The following LMO7 variants were observed in gnomAD, a reference collection of about 807,000 sequenced individuals.
LMO7 encodes LIM domain only protein 7.
LMO7 carries 120 observed loss-of-function variants against 206.5 expected under a neutral mutation model. That is an observed-to-expected ratio of 0.58 (90% CI 0.50 to 0.68). The LOEUF is 0.68. Ranked by LOEUF, LMO7 falls within the 30% of genes least tolerant of loss-of-function variation. The pLI, the probability that LMO7 is intolerant of heterozygous loss-of-function variation, is 0.00. For missense variants in LMO7, 1,959 were observed against 1,957.9 expected (o/e 1.00, Z -0.01); for synonymous variants, 706 against 681.5 (o/e 1.04, Z -0.56).
intron 27 of LMO7, among the ~76,000 whole-genome samples, chr13:75,850,477 AAG>A (rs1247456797): frequency 2.6e-5 from 4 of 152,222 alleles, no homozygotes; most frequent in Non-Finnish European, 5.9e-5. Flanking sequence ...GGCAAAAGAA[AAG>A]AAAATCACAA....
chr13:75,807,432 C>G, intron 9 of LMO7, 48 bp from the exon 10 acceptor site: 3 of 1,586,470 alleles, frequency 1.9e-6, no homozygotes, highest in Non-Finnish European at 2.6e-6. Flanking sequence ...TACCTTTTCT[C>G]CCTAAGCTTA....
Position 75,856,488 on chromosome 13 carries a change from T to A in LMO7, c.4771-18T>A. 2 of 1,492,444 alleles carry A rather than the reference T, an allele frequency of 1.3e-6. No individual in the cohort carries two copies. The highest frequency in any genetic ancestry group is 1.9e-6 in the Non-Finnish European group (2 of 1,074,564). The allele number at this position is 1,492,444 out of a possible 1,614,324, so 92.5% of individuals were successfully genotyped here. A position where few individuals can be genotyped will look rare whatever the true frequency, so the allele number is the denominator to read the frequency against. ...TGAGCTGACTGATTGTAGATGTTCT[T>A]TTTTTTTTGTTCCCCAGTGTGTTGC... On this transcript the variant is annotated intron_variant, in intron 29 of 30. Transcript: ENST00000377534.
intron 3 of LMO7, among the ~76,000 whole-genome samples, chr13:75,733,118 C>T (rs933852012): frequency 2.0e-5 from 3 of 152,210 alleles, no homozygotes; most frequent in African/African-American, 7.2e-5. Context: ...TCTCAGATCT[C>T]CAGCTGCGTG....
chr13:75,786,168 A>G (rs996188825), intron 4 of LMO7, among the ~76,000 whole-genome samples: 4 of 151,780 alleles, frequency 2.6e-5, no homozygotes, highest in African/African-American at 4.8e-5. Flanking sequence ...ACATTGTCAT[A>G]TGGGTTAAAG....
intron 3 of LMO7, among the ~76,000 whole-genome samples, chr13:75,735,646 A>ATT (rs1203626178): frequency 4.6e-5 from 6 of 130,998 alleles, no homozygotes; most frequent in Non-Finnish European, 3.3e-5. Context: ...TTTTTTTTGT[A>ATT]TTTTTTTTTA....
intron 4 of LMO7, among the ~76,000 whole-genome samples, chr13:75,786,400 A>T: frequency 7.2e-6 from 1 of 139,732 alleles, no homozygotes; most frequent in Non-Finnish European, 1.5e-5. Flanking sequence ...TTTGAGATGG[A>T]GTCTCGCTCT....
At chr13:75,812,677 ATGAT>A (rs1360008753) in intron 11 of LMO7, among the ~76,000 whole-genome samples, 3 of 152,132 alleles carry the variant, frequency 2.0e-5, no homozygotes, top group African/African-American at 4.8e-5. Flanking sequence ...ACCTTGTTTT[ATGAT>A]TGACACCTTC....
At chr13:75,692,928 G>A (rs1273525930) in intron 1 of LMO7, among the ~76,000 whole-genome samples, 1 of 152,168 alleles carries the variant, frequency 6.6e-6, no homozygotes, top group Non-Finnish European at 1.5e-5. Flanking sequence ...CAGTGCGGAA[G>A]CATCCTGTTT....
chr13:75,819,568 G>A, intron 13 of LMO7, 33 bp downstream of exon 13: 1 of 1,532,396 alleles, frequency 6.5e-7, no homozygotes, highest in Non-Finnish European at 8.7e-7. Context: ...GGTTGTAACA[G>A]GGTTGGAGAT....
At chr13:75,814,011 C>T (rs2056728032) in intron 11 of LMO7, among the ~76,000 whole-genome samples, 1 of 152,148 alleles carries the variant, frequency 6.6e-6, no homozygotes, top group African/African-American at 2.4e-5. Flanking sequence ...CATAGTATGA[C>T]TTACGTGAAT....
chr13:75,647,147 C>T (rs1430965907), intron 1 of LMO7, among the ~76,000 whole-genome samples: 2 of 152,082 alleles, frequency 1.3e-5, no homozygotes, highest in Non-Finnish European at 2.9e-5. Context: ...GCCTTATGTA[C>T]AAGGACTTAT....
At chr13:75,712,861 T>A (rs1183576856) in intron 1 of LMO7, among the ~76,000 whole-genome samples, 2 of 152,176 alleles carry the variant, frequency 1.3e-5, no homozygotes. Context: ...CACCCATAGG[T>A]TTTTAAAAAA....
At chr13:75,628,367 T>G (rs893499875) in intron 2 of LMO7, 4 of 152,390 alleles carry the variant, frequency 2.6e-5, no homozygotes, top group Middle Eastern at 3.4e-3. Flanking sequence ...TTAATCATTA[T>G]CTGTAACATT....
intron 1 of LMO7, among the ~76,000 whole-genome samples, chr13:75,698,954 T>G (rs1594356368): frequency 1.3e-5 from 2 of 152,198 alleles, no homozygotes; most frequent in African/African-American, 2.4e-5. Context: ...ATGTATTCAT[T>G]AGCAGTCACT....
At chr13:75,733,293 C>A (rs192934543) in intron 3 of LMO7, among the ~76,000 whole-genome samples, 2 of 152,356 alleles carry the variant, frequency 1.3e-5, no homozygotes, top group Non-Finnish European at 2.9e-5. Flanking sequence ...TTTGAGCTTC[C>A]CAACTGCTTT....
At chr13:75,772,633 T>C (rs1302406115) in intron 4 of LMO7, among the ~76,000 whole-genome samples, 1 of 152,056 alleles carries the variant, frequency 6.6e-6, no homozygotes, top group African/African-American at 2.4e-5. Flanking sequence ...TCTTATAAAA[T>C]TGTCTCTATG....
chr13:75,808,836 A>G (rs937848175), intron 10 of LMO7, among the ~76,000 whole-genome samples: 21 of 152,220 alleles, frequency 1.4e-4, no homozygotes, highest in African/African-American at 5.1e-4. Flanking sequence ...TGGAACTTAG[A>G]GATGGACAAA....
At chr13:75,817,879 G>T (rs976226233) in intron 12 of LMO7, among the ~76,000 whole-genome samples, 3 of 152,006 alleles carry the variant, frequency 2.0e-5, no homozygotes, top group African/African-American at 7.3e-5. Context: ...GAAGAAAAAA[G>T]CTTGACCATT....
At chr13:75,801,524 G>T (rs1254941048) in intron 7 of LMO7, among the ~76,000 whole-genome samples, 5 of 152,186 alleles carry the variant, frequency 3.3e-5, no homozygotes. Context: ...GAGACATTCT[G>T]TTGCGGGAAG....
Sources: gnomAD v4.1 joint callset for allele counts (sites outside exome capture counted in the v4.1 genomes callset) on GRCh38, gnomAD v4.1.1 for gene constraint, MANE v1.5 for transcripts, NCBI Gene and HGNC (gene_info 2026-07-23, HGNC 2026-07-21) for gene names.